The following NCOA1 variants were observed in gnomAD, a reference collection of about 807,000 sequenced individuals.
NCOA1 encodes the protein Hin-2 protein.
In NCOA1, 35 loss-of-function variants were observed where a neutral mutation model predicts 150.9. The ratio of observed to expected loss-of-function variants is 0.23; its 90% CI spans 0.18 to 0.31. NCOA1 has a LOEUF of 0.31. NCOA1 is among the 10% of genes least tolerant of loss of function. The pLI is 1.00. For synonymous variants in NCOA1, 590 were observed against 630.0 expected (o/e 0.94, Z 0.95); for missense variants, 1,491 against 1,749.3 (o/e 0.85, Z 2.63).
intron 3 of NCOA1, among the ~76,000 whole-genome samples, chr2:24,605,109 A>C (rs1668304524): frequency 6.6e-6 from 1 of 152,216 alleles, no homozygotes; most frequent in Non-Finnish European, 1.5e-5. Context: ...GCCCCAAAAC[A>C]ATTACAGTAA....
At chr2:24,651,712 A>C (rs946786586) in intron 4 of NCOA1, among the ~76,000 whole-genome samples, 5 of 152,068 alleles carry the variant, frequency 3.3e-5, no homozygotes, top group Admixed American at 2.6e-4. Context: ...TTTTTAAAAA[A>C]TAGGCAAAGG....
chr2:24,715,470 A>G (rs1673979765), intron 14 of NCOA1, among the ~76,000 whole-genome samples: 1 of 152,180 alleles, frequency 6.6e-6, no homozygotes, highest in Non-Finnish European at 1.5e-5. Context: ...ACAGAAAAAT[A>G]TTCTATAAGT....
Position 24,687,514 on chromosome 2 carries a change from G to T in NCOA1, c.533-3967G>T, listed in dbSNP as rs10221668. ...GCGATAAAGAACTTCCCTGAGACTG[G>T]GGTAATTTATAAAGGAAAGAGGTTT... is the stretch of plus-strand genomic sequence containing the variant. On this transcript the variant is annotated intron_variant, in intron 8 of 22. Coordinates refer to ENST00000348332, the MANE Select transcript of NCOA1 (RefSeq NM_003743.5). Among the ~76,000 whole-genome samples the T allele has an allele frequency of 9.0e-3, 1,370 of 152,166 alleles. 29 individuals carry two copies. The highest frequency in any genetic ancestry group is 0.031 in the African/African-American group (1,302 of 41,506).
Position 24,558,707 on chromosome 2 carries a change from T to C in NCOA1, c.-395-5588T>C, listed in dbSNP as rs1666178917. Among the ~76,000 whole-genome samples, 3 of 152,170 alleles carry C rather than the reference T, an allele frequency of 2.0e-5. No homozygotes were observed. The South Asian group carries it at 6.2e-4, about 32-fold the overall frequency. ...GGTTTTTGTAGAGGGAAAAGTTTAT[T>C]GCAAGGCCACCAAATTAGGAGACAG... On this transcript the variant is annotated intron_variant, in intron 1 of 22. Transcript: ENST00000348332.
At chr2:24,748,338 G>A (rs1031160798) in intron 19 of NCOA1, among the ~76,000 whole-genome samples, 2 of 151,470 alleles carry the variant, frequency 1.3e-5, no homozygotes, top group Admixed American at 6.6e-5. Context: ...AAGGCCGGGC[G>A]TGGTGGCTCA....
intron 3 of NCOA1, among the ~76,000 whole-genome samples, chr2:24,627,305 C>CG (rs1553438781): frequency 6.6e-6 from 1 of 151,618 alleles, no homozygotes; most frequent in Non-Finnish European, 1.5e-5. Context: ...ATTAAAATCT[C>CG]TAAGTACAGA....
intron 1 of NCOA1, among the ~76,000 whole-genome samples, chr2:24,505,651 C>A (rs553135044): frequency 2.6e-5 from 4 of 152,068 alleles, no homozygotes; most frequent in African/African-American, 9.7e-5. Flanking sequence ...CCCCTCCCCC[C>A]ATTCTTTTTA....
At chr2:24,606,968 A>G (rs1668396627) in intron 3 of NCOA1, among the ~76,000 whole-genome samples, 1 of 152,156 alleles carries the variant, frequency 6.6e-6, no homozygotes. Flanking sequence ...TGCCATTGCC[A>G]CCCTCACTTC....
chr2:24,709,723 T>C (rs1673639956), intron 13 of NCOA1, among the ~76,000 whole-genome samples: 1 of 152,228 alleles, frequency 6.6e-6, no homozygotes, highest in African/African-American at 2.4e-5. Flanking sequence ...AAAAGACATG[T>C]TCACAAATGT....
At chr2:24,507,098 A>G (rs149579953) in intron 1 of NCOA1, among the ~76,000 whole-genome samples, 49 of 152,332 alleles carry the variant, frequency 3.2e-4, no homozygotes, top group Middle Eastern at 3.4e-3. Context: ...CTGGAGGACG[A>G]AGACTGAACA....
chr2:24,717,931 C>T (rs112185801), intron 14 of NCOA1, among the ~76,000 whole-genome samples: 11 of 138,790 alleles, frequency 7.9e-5, no homozygotes, highest in African/African-American at 2.6e-4. Context: ...TTGAGTCTCT[C>T]TGTTGCCTAG....
chr2:24,585,974 G>C (rs1667387325), intron 3 of NCOA1, among the ~76,000 whole-genome samples: 1 of 152,108 alleles, frequency 6.6e-6, no homozygotes. Flanking sequence ...CGATTGCATT[G>C]AGTTAAAGAT....
intron 3 of NCOA1, among the ~76,000 whole-genome samples, chr2:24,630,227 G>T (rs1431511874): frequency 6.6e-6 from 1 of 152,136 alleles, no homozygotes. Context: ...GGAAATGGAG[G>T]CATGGAAAGA....
chr2:24,618,535 A>G (rs545891678), intron 3 of NCOA1, among the ~76,000 whole-genome samples: 1 of 152,304 alleles, frequency 6.6e-6, no homozygotes, highest in African/African-American at 2.4e-5. Flanking sequence ...ACCTAACCTT[A>G]ACCAAGTGAC....
intron 19 of NCOA1, among the ~76,000 whole-genome samples, chr2:24,747,973 G>A (rs1664021179): frequency 6.6e-6 from 1 of 152,102 alleles, no homozygotes; most frequent in Non-Finnish European, 1.5e-5. Flanking sequence ...GGGCGTGGTG[G>A]CGCATGCCTG....
intron 1 of NCOA1, among the ~76,000 whole-genome samples, chr2:24,561,679 A>G (rs565965462): frequency 2.0e-5 from 3 of 152,322 alleles, no homozygotes; most frequent in Admixed American, 2.0e-4. Flanking sequence ...ACTATAACAG[A>G]AGTACACAGT....
chr2:24,600,536 C>A (rs905278931), intron 3 of NCOA1, among the ~76,000 whole-genome samples: 1 of 152,128 alleles, frequency 6.6e-6, no homozygotes, highest in East Asian at 1.9e-4. Flanking sequence ...TTTTATTTCC[C>A]ATTCGTTGTT....
intron 4 of NCOA1, 125 bp from the exon 5 acceptor site, chr2:24,658,536 G>A: frequency 1.6e-6 from 1 of 628,076 alleles, no homozygotes; most frequent in South Asian, 1.9e-5. Flanking sequence ...TATGATGGCT[G>A]TAATTATCTA....
intron 2 of NCOA1, among the ~76,000 whole-genome samples, chr2:24,569,935 A>C (rs1000985309): frequency 6.6e-6 from 1 of 151,858 alleles, no homozygotes; most frequent in African/African-American, 2.4e-5. Flanking sequence ...CAAATTTTGA[A>C]ATAGAACATG....
Sources: allele counts gnomAD v4.1 joint callset (sites outside exome capture counted in the v4.1 genomes callset), GRCh38; gene constraint gnomAD v4.1.1; transcripts MANE v1.5; gene names NCBI Gene and HGNC (gene_info 2026-07-23, HGNC 2026-07-21).